TAF6: variants seen among roughly 807,000 people sequenced by gnomAD.
TAF6 encodes TATA-box binding protein associated factor 6, also known as transcription initiation factor TFIID subunit 6.
In TAF6, 50 loss-of-function variants were observed where a neutral mutation model predicts 73.5. The ratio of observed to expected loss-of-function variants is 0.68; its 90% CI spans 0.54 to 0.86. The LOEUF is 0.86. Among genes scored for constraint, TAF6 ranks in the 40% least tolerant of loss-of-function variants. The probability of loss-of-function intolerance (pLI) is 0.00; values close to 1 mark genes in which losing one functional copy is unlikely to be tolerated. For synonymous variants in TAF6, 424 were observed against 376.7 expected, an observed-to-expected ratio of 1.13 and a Z score of -1.45; for missense variants, 768 against 899.5, an observed-to-expected ratio of 0.85 and a Z score of 1.87.
chr7:100,125,196 A>T, the TAF6 span: 1 of 304,480 alleles, frequency 3.3e-6, no homozygotes, highest in Non-Finnish European at 6.1e-6. Context: ...CCCAAAAGTC[A>T]GCAGTGGCAC....
chr7:100,109,849 T>G, intron 12 of TAF6, 99 bp downstream of exon 12: 8 of 1,529,460 alleles, frequency 5.2e-6, no homozygotes, highest in Non-Finnish European at 7.1e-6. Flanking sequence ...TCTGAAAACA[T>G]GAGGCAAAGA....
rs746053947 is a variant in TAF6 at position 100,108,169 on chromosome 7, AGAG to A, written c.1459-49_1459-47del. The A allele has an allele frequency of 1.8e-5, 28 of 1,549,066 alleles. No homozygotes were observed. The Admixed American group carries it at 4.9e-4, about 27-fold the overall frequency. On this transcript the variant is annotated intron_variant, in intron 13 of 14. Coordinates refer to ENST00000453269, the MANE Select transcript of TAF6 (RefSeq NM_139315.3). ...GGGGAAGTGGCACCATCTACTAAGA[AGAG>A]GAGTCTGAAGGGAGAGGCCTGGGCT...
intron 13 of TAF6, 31 bp from the exon 14 acceptor site, chr7:100,108,154 C>G (rs1178753227): frequency 4.5e-6 from 7 of 1,566,252 alleles, no homozygotes; most frequent in Non-Finnish European, 6.0e-6. Context: ...GGGGAAGTGG[C>G]ACCATCTACT....
chr7:100,107,676 G>C (rs1796682764), intron 14 of TAF6, 53 bp from the exon 15 acceptor site: 2 of 1,587,462 alleles, frequency 1.3e-6, no homozygotes. Context: ...CTGCCCCCCA[G>C]AGGCCTGGCG....
upstream of TAF6, chr7:100,122,315 C>G (rs756675979): frequency 1.2e-6 from 2 of 1,613,938 alleles, no homozygotes; most frequent in South Asian, 1.1e-5. Context: ...CGGTCGATCT[C>G]GAGAGGTGCT....
chr7:100,123,949 T>C (rs908900492), upstream of TAF6, among the ~76,000 whole-genome samples: 3 of 152,108 alleles, frequency 2.0e-5, no homozygotes, highest in African/African-American at 7.2e-5. Flanking sequence ...GCCATCATAG[T>C]GAAACCCTGT....
At chr7:100,124,837 C>T (rs750835729), upstream of TAF6, 4 of 1,608,952 alleles carry the variant, frequency 2.5e-6, no homozygotes, top group Non-Finnish European at 3.4e-6. Context: ...AAGGGGGAGA[C>T]AAGATGACCA....
chr7:100,108,002 G>A lies in TAF6; in HGVS notation c.1580C>T (p.Ala527Val). The change falls in exon 14 of 15, where the codon GCC becomes GTC. Residue 527 changes from alanine to valine, a missense_variant. Transcript: ENST00000453269. ...VQTLVSARAA[A>V]PPQPSPPPTK... Reference sequence around the variant, plus strand: ...TGGAGGAGGGGAAGGCTGTGGTGGGGCAGCCGCTCGTGCAGACACCAGTGT... The same window carrying A: ...TGGAGGAGGGGAAGGCTGTGGTGGGACAGCCGCTCGTGCAGACACCAGTGT... The A allele has an allele frequency of 6.2e-7, 1 of 1,613,276 alleles. No homozygotes were observed. The highest frequency in any genetic ancestry group is 1.1e-5 in the South Asian group (1 of 91,064).
chr7:100,111,355 TTTTG>T (rs752630903), intron 9 of TAF6, 34 bp from the exon 10 acceptor site: 78 of 1,596,896 alleles, frequency 4.9e-5, no homozygotes, highest in Admixed American at 1.7e-4. Context: ...CTGATTCTGG[TTTTG>T]TTTGTCTGCT....
chr7:100,108,349 C>T lies in TAF6; in HGVS notation c.1458+18G>A. ...TCCTCTGCTTCCTCCTATTCCTCCTCCCCACCCGGCCACGGACCTGCGTGA... is the reference window on the plus strand; with the variant it reads ...TCCTCTGCTTCCTCCTATTCCTCCTTCCCACCCGGCCACGGACCTGCGTGA... On this transcript the variant is annotated intron_variant, in intron 13 of 14. Coordinates refer to ENST00000453269, the MANE Select transcript of TAF6 (RefSeq NM_139315.3). 4 of 1,587,218 alleles carry T rather than the reference C, an allele frequency of 2.5e-6. No homozygotes were observed. The South Asian group carries it at 4.5e-5, about 18-fold the overall frequency.
In TAF6 at chr7:100,111,766, C is replaced by T. The variant is rs1248950679; in HGVS notation, c.862G>A (p.Ala288Thr). ...TAGAGCGTGGGGTTGTCCATCAGCG[C>T]TTTCACCATACGCATCAGGTAGATG... ...LLIYLMRMVK[A>T]LMDNPTLYLE... Residue 288 changes from alanine (A) to threonine (T), a missense_variant, in exon 9 of 15, where the codon GCG (alanine) becomes ACG (threonine). Around this residue, in one of 5 missense-constraint regions of TAF6, gnomAD observed 78 missense variants for 153.4 expected, o/e 0.51. Coordinates refer to ENST00000453269, the MANE Select transcript of TAF6 (RefSeq NM_139315.3). 1 of 1,614,194 alleles carries T rather than the reference C, an allele frequency of 6.2e-7. No homozygotes were observed. The highest frequency in any genetic ancestry group is 1.1e-5 in the South Asian group (1 of 91,084).
intron 1 of TAF6, 37 bp from the exon 2 acceptor site, chr7:100,114,305 C>T (rs566212779): frequency 1.3e-5 from 21 of 1,596,946 alleles, no homozygotes; most frequent in Admixed American, 1.2e-4. Flanking sequence ...GAAAAAGAAA[C>T]GTGAGACACA....
chr7:100,108,469 G>A lies in TAF6; in HGVS notation c.1356C>T (p.Phe452=), dbSNP rs374989021. ...PDNQDAYRAE[F]GSLGPLLCSQ... is the part of the protein sequence containing the mutation. Reference sequence around the variant, plus strand: ...AGCAGAGGAGGGGCCCAAGGGACCCGAATTCTGCCCGATAGGCGTCCTGAT... The same window carrying A: ...AGCAGAGGAGGGGCCCAAGGGACCCAAATTCTGCCCGATAGGCGTCCTGAT... Residue 452 remains phenylalanine, a synonymous_variant, in exon 13 of 15, where the codon TTC becomes TTT. Transcript: ENST00000453269. 38 of 1,613,874 alleles carry A rather than the reference G, an allele frequency of 2.4e-5. No individual in the cohort carries two copies. In the Admixed American group the frequency reaches 2.8e-4, roughly 12 times the overall value.
rs1316790279 is a variant in TAF6 at position 100,107,410 on chromosome 7, G to A, written c.1870C>T (p.His624Tyr). 6 of 1,606,982 alleles carry A rather than the reference G, an allele frequency of 3.7e-6. No homozygotes were observed. The highest frequency in any genetic ancestry group is 5.1e-6 in the Non-Finnish European group (6 of 1,175,430). Residue 624 changes from histidine (H) to tyrosine (Y), a missense_variant, in exon 15 of 15, where the codon CAT (histidine) becomes TAT (tyrosine). His to Tyr is a moderately conservative substitution (Grantham distance 83, BLOSUM62 2). Transcript: ENST00000453269. The part of the protein sequence containing the change: ...TGEGKGGPTS[H>Y]PSPVPPPASS... The stretch of plus-strand genomic sequence containing the variant: ...GCCGGGGGAGGAACTGGAGAAGGAT[G>A]GGAGGTGGGGCCTCCTTTGCCCTCC...
upstream of TAF6, chr7:100,122,618 C>T (rs769360603): frequency 6.4e-7 from 1 of 1,550,822 alleles, no homozygotes; most frequent in South Asian, 1.2e-5. Flanking sequence ...TTCTCAGATA[C>T]AAAGATCTGT....
upstream of TAF6, chr7:100,119,690 A>G (rs759811504): frequency 1.9e-6 from 3 of 1,613,694 alleles, no homozygotes; most frequent in African/African-American, 1.3e-5. Context: ...AGGGACCCAC[A>G]CTACCTTCCC....
In TAF6 at chr7:100,112,863, GGCTTGGCT is replaced by G; in HGVS notation, c.501_508del (p.Ala168ArgfsTer133). 6.2e-7 allele frequency: 1 copy of G among 1,613,992 alleles called. No homozygotes were observed. ...CAGGGGTCCGTCTTCCTCCTGGCCT[GGCTTGGCT>G]GACTTCAGGGGTTCTGTGGCTTCAG... On this transcript the variant is annotated frameshift_variant, in exon 6 of 15. Coordinates refer to ENST00000453269, the MANE Select transcript of TAF6 (RefSeq NM_139315.3). LOFTEE classifies it high-confidence loss of function.
upstream of TAF6, chr7:100,120,032 G>A: frequency 3.6e-6 from 2 of 552,496 alleles, no homozygotes; most frequent in Middle Eastern, 4.8e-4. Flanking sequence ...AACGTGTAGT[G>A]CCACCTCAAA....
At chr7:100,118,997 A>G in intron 1 of TAF6, 1 of 985,432 alleles carries the variant, frequency 1.0e-6, no homozygotes, top group South Asian at 4.7e-5. Context: ...AAAACACGCT[A>G]CAGTCACAGG....
Sources: gnomAD v4.1 joint callset for allele counts (sites outside exome capture counted in the v4.1 genomes callset) on GRCh38, gnomAD v4.1.1 for gene constraint, gnomAD v4.1.1 regional missense constraint, MANE v1.5 for transcripts, NCBI Gene and HGNC (gene_info 2026-07-23, HGNC 2026-07-21) for gene names.